The following B3GALNT2 variants were observed in gnomAD, a reference collection of about 807,000 sequenced individuals.
B3GALNT2 encodes beta-1,3-N-acetylgalactosaminyltransferase 2.
B3GALNT2 carries 53 observed loss-of-function variants against 61.1 expected under a neutral mutation model. The observed-to-expected ratio is 0.87, with a 90% CI of 0.70 to 1.09. The LOEUF (loss-of-function observed/expected upper bound fraction) is 1.09. B3GALNT2 is among the 50% of genes least tolerant of loss of function. The pLI, the probability that B3GALNT2 is intolerant of heterozygous loss-of-function variation, is 0.00. For synonymous variants in B3GALNT2, 223 were observed against 237.4 expected (o/e 0.94, Z 0.56); for missense variants, 544 against 623.0 (o/e 0.87, Z 1.35).
Position 235,480,140 on chromosome 1 carries a change from A to G in B3GALNT2, c.565T>C (p.Phe189Leu). 6.2e-7 allele frequency: 1 copy of G among 1,613,716 alleles called. No homozygotes were observed. Among genetic ancestry groups the G allele is most frequent in the Non-Finnish European group, 8.5e-7 (1 of 1,179,732 alleles). The part of the protein sequence containing the change: ...LYQAEQEEAL[F>L]IARFSPPSCG... Reference sequence around the variant, plus strand: ...CTTGGAGGACTGAAGCGAGCAATGAAGAGGGCCTCCTACAAATTGGGAGAA... The same window carrying G: ...CTTGGAGGACTGAAGCGAGCAATGAGGAGGGCCTCCTACAAATTGGGAGAA... Residue 189 changes from phenylalanine to leucine, a missense_variant, in exon 5 of 12, where the codon TTC becomes CTC. Coordinates refer to ENST00000366600, the MANE Select transcript of B3GALNT2 (RefSeq NM_152490.5).
intron 4 of B3GALNT2, among the ~76,000 whole-genome samples, chr1:235,481,024 C>T (rs1684543001): frequency 6.7e-6 from 1 of 149,324 alleles, no homozygotes; most frequent in African/African-American, 2.5e-5. Flanking sequence ...ATTCTCATGC[C>T]TATTCTTATA....
Position 235,482,028 on chromosome 1 carries a change from C to T in B3GALNT2, c.556-1879G>A, listed in dbSNP as rs1358618792. Among the ~76,000 whole-genome samples, 6 of 152,214 alleles carry T rather than the reference C, an allele frequency of 3.9e-5. No individual in the cohort carries two copies. In the South Asian group the frequency reaches 1.0e-3, roughly 26 times the overall value. On this transcript the variant is annotated intron_variant, in intron 4 of 11. Coordinates refer to ENST00000366600, the MANE Select transcript of B3GALNT2 (RefSeq NM_152490.5). ...TGAGTCTCTAACATTATATTCATTG[C>T]TAATAATCAACATTAATAATACAAA...
At chr1:235,495,414 G>A (rs1027512755) in intron 1 of B3GALNT2, among the ~76,000 whole-genome samples, 3 of 152,112 alleles carry the variant, frequency 2.0e-5, no homozygotes, top group Admixed American at 6.5e-5. Flanking sequence ...GGCGGATGAC[G>A]CTGAAGGACT....
At chr1:235,455,281 T>C (rs1480448690) in intron 9 of B3GALNT2, among the ~76,000 whole-genome samples, 1 of 152,090 alleles carries the variant, frequency 6.6e-6, no homozygotes, top group Non-Finnish European at 1.5e-5. Context: ...CATCACCTTT[T>C]TAATTTTTTG....
intron 1 of B3GALNT2, among the ~76,000 whole-genome samples, chr1:235,496,909 G>T (rs1019757489): frequency 6.6e-6 from 1 of 152,120 alleles, no homozygotes; most frequent in African/African-American, 2.4e-5. Context: ...CTTGGAAATG[G>T]CTGGGCTAAG....
intron 7 of B3GALNT2, chr1:235,463,560 TAA>T (rs959820759): frequency 2.7e-5 from 4 of 146,600 alleles, no homozygotes; most frequent in African/African-American, 5.1e-5. Context: ...TCACATTTCC[TAA>T]TTTCTTTTTT....
intron 5 of B3GALNT2, among the ~76,000 whole-genome samples, chr1:235,478,524 C>A (rs995266517): frequency 7.9e-5 from 12 of 152,194 alleles, no homozygotes; most frequent in African/African-American, 2.9e-4. Context: ...AGGAAGGAAT[C>A]ATCTGACTTA....
At chr1:235,490,226 C>A (rs1684998248) in intron 2 of B3GALNT2, among the ~76,000 whole-genome samples, 1 of 151,978 alleles carries the variant, frequency 6.6e-6, no homozygotes, top group Admixed American at 6.6e-5. Context: ...GAATTAGTAA[C>A]TCTAGTTGTT....
Position 235,455,694 on chromosome 1 carries a change from C to A in B3GALNT2, c.1026-10G>T, listed in dbSNP as rs1683134665. 1.9e-6 allele frequency: 3 copies of A among 1,605,442 alleles called. No individual in the cohort carries two copies. Among genetic ancestry groups the A allele is most frequent in the Non-Finnish European group, 2.6e-6 (3 of 1,172,908 alleles). Reference sequence around the variant, plus strand: ...CGTTGTTTCCACAGTCCTGTTGACACAAAAGGGATAAGAAAGTCAGTGCGA... The same window carrying A: ...CGTTGTTTCCACAGTCCTGTTGACAAAAAAGGGATAAGAAAGTCAGTGCGA... On this transcript the variant is annotated splice_polypyrimidine_tract_variant and intron_variant, in intron 8 of 11. Transcript: ENST00000366600.
intron 7 of B3GALNT2, among the ~76,000 whole-genome samples, chr1:235,462,274 G>C (rs1350543229): frequency 1.3e-5 from 2 of 152,274 alleles, no homozygotes; most frequent in South Asian, 2.1e-4. Context: ...TTGTTTCACT[G>C]CATGTATCTG....
chr1:235,448,704 TAA>T lies in B3GALNT2; in HGVS notation c.*1500_*1501del, dbSNP rs776217784. 5.6e-6 allele frequency: 9 copies of T among 1,614,028 alleles called. No individual in the cohort carries two copies. Among genetic ancestry groups the T allele is most frequent in the Non-Finnish European group, 7.6e-6 (9 of 1,179,996 alleles). ...AGAGAAATCGAGCTGGAAAATGACCTAAAGTCATTACAGTTTTATTCTGTGGA... is the reference window on the plus strand; with the variant it reads ...AGAGAAATCGAGCTGGAAAATGACCTAGTCATTACAGTTTTATTCTGTGGA... On this transcript the variant is annotated 3_prime_UTR_variant, in exon 12 of 12. Transcript: ENST00000366600.
downstream of B3GALNT2, among the ~76,000 whole-genome samples, chr1:235,446,695 G>GTT (rs11405266): frequency 5.4e-3 from 744 of 138,936 alleles, 17 homozygotes; most frequent in Admixed American, 0.041. Context: ...GAGTAGGCAG[G>GTT]TTTTTTTTTT....
chr1:235,452,883 C>CA (rs1682993002), intron 11 of B3GALNT2, among the ~76,000 whole-genome samples: 1 of 152,174 alleles, frequency 6.6e-6, no homozygotes, highest in South Asian at 2.1e-4. Context: ...ACATGACACT[C>CA]AAAGGAAATG....
Position 235,504,310 on chromosome 1 carries a change from TGCA to T in B3GALNT2, c.-61_-59del. On this transcript the variant is annotated 5_prime_UTR_variant, in exon 1 of 12. Coordinates refer to ENST00000366600, the MANE Select transcript of B3GALNT2 (RefSeq NM_152490.5). ...CGTCCCGGCGGAGAGGGAGGGGACCTGCAAGTGCGGAGACTGAGGGGCGGCGGC... is the reference window on the plus strand; with the variant it reads ...CGTCCCGGCGGAGAGGGAGGGGACCTAGTGCGGAGACTGAGGGGCGGCGGC... 2 of 1,461,746 alleles carry T rather than the reference TGCA, an allele frequency of 1.4e-6. No individual in the cohort carries two copies. The highest frequency in any genetic ancestry group is 1.8e-6 in the Non-Finnish European group (2 of 1,110,558). The allele number at this position is 1,461,746 out of a possible 1,614,324, so 90.5% of individuals were successfully genotyped here.
chr1:235,451,266 A>C (rs1021528737), intron 11 of B3GALNT2: 1 of 152,216 alleles, frequency 6.6e-6, no homozygotes, highest in African/African-American at 2.4e-5. Flanking sequence ...CTCTCCCCTC[A>C]GTGCCTACCC....
At chr1:235,440,332 GCACCATGCT>G in the B3GALNT2 span, among the ~76,000 whole-genome samples, 2 of 151,906 alleles carry the variant, frequency 1.3e-5, no homozygotes, top group Admixed American at 6.6e-5. Context: ...TTCAGGTGGC[GCACCATGCT>G]CCACTGTAGG....
At chr1:235,494,495 C>G (rs1209480341) in intron 2 of B3GALNT2, among the ~76,000 whole-genome samples, 186 bp downstream of exon 2, 1 of 151,244 alleles carries the variant, frequency 6.6e-6, no homozygotes, top group Non-Finnish European at 1.5e-5. Context: ...TCATTCCCAT[C>G]ATGCAGGCTA....
At chr1:235,479,561 G>A (rs1296658963) in intron 5 of B3GALNT2, 1 of 155,492 alleles carries the variant, frequency 6.4e-6, no homozygotes, top group African/African-American at 2.4e-5. Context: ...GGACCCAGAA[G>A]GTGACAGGTA....
rs1682721358 is a variant in B3GALNT2 at position 235,449,131 on chromosome 1, CTATTT to C, written c.*1070_*1074del. On this transcript the variant is annotated 3_prime_UTR_variant, in exon 12 of 12. Transcript: ENST00000366600. ...TTAATGGAATTCTCTATTGAAACTA[CTATTT>C]TAAAGGGTTACTAGAAATGATTTGG... 1 of 277,604 alleles carries C rather than the reference CTATTT, an allele frequency of 3.6e-6. No individual in the cohort carries two copies. The highest frequency in any genetic ancestry group is 2.2e-5 in the African/African-American group (1 of 44,494). The allele number at this position is 277,604 out of a possible 1,614,324, so 17.2% of individuals were successfully genotyped here. A position where few individuals can be genotyped will look rare whatever the true frequency, so the allele number is the denominator to read the frequency against.
Sources: allele counts gnomAD v4.1 joint callset (sites outside exome capture counted in the v4.1 genomes callset), GRCh38; gene constraint gnomAD v4.1.1; transcripts MANE v1.5; gene names NCBI Gene and HGNC (gene_info 2026-07-23, HGNC 2026-07-21).